The following SMIM7 variants were observed in gnomAD, a reference collection of about 807,000 sequenced individuals.
SMIM7 encodes UPF0608 protein C19orf42.
In SMIM7, 12 loss-of-function variants were observed where a neutral mutation model predicts 13.3. The observed-to-expected ratio is 0.90, with a 90% CI of 0.58 to 1.46. The LOEUF (loss-of-function observed/expected upper bound fraction) is 1.46. Among genes scored for constraint, SMIM7 ranks in the 40% most tolerant of loss-of-function variants. The pLI is 0.00. For synonymous variants in SMIM7, 36 were observed against 35.8 expected, an observed-to-expected ratio of 1.01 and a Z score of -0.02; for missense variants, 114 against 94.8, an observed-to-expected ratio of 1.20 and a Z score of -0.84.
chr19:16,653,075 T>C, intron 4 of SMIM7: 1 of 1,252,392 alleles, frequency 8.0e-7, no homozygotes, highest in Non-Finnish European at 1.1e-6. Flanking sequence ...TTAAACCATA[T>C]TTTCCACCTC....
downstream of SMIM7, chr19:16,645,335 C>G (rs935195252): frequency 2.0e-5 from 3 of 152,206 alleles, no homozygotes; most frequent in South Asian, 2.1e-4. Context: ...CCGCGCCAGT[C>G]TGAATAAGGC....
At chr19:16,654,450 A>C (rs1205851459) in intron 3 of SMIM7, among the ~76,000 whole-genome samples, 1 of 152,162 alleles carries the variant, frequency 6.6e-6, no homozygotes. Context: ...AGGCTTACTG[A>C]GCTGGGAAGA....
At chr19:16,659,871 G>C in intron 2 of SMIM7, 88 bp downstream of exon 2, 1 of 1,514,436 alleles carries the variant, frequency 6.6e-7, no homozygotes, top group South Asian at 1.2e-5. Flanking sequence ...TTGGGGGCGG[G>C]GCCTGAGAAG....
rs757568020 is a variant in SMIM7 at position 16,659,436 on chromosome 19, T to C, written c.80A>G (p.Asp27Gly). 15 of 1,613,294 alleles carry C rather than the reference T, an allele frequency of 9.3e-6. No individual in the cohort carries two copies. Among genetic ancestry groups the C allele is most frequent in the Non-Finnish European group, 1.3e-5 (15 of 1,179,796 alleles). Residue 27 changes from aspartate (D) to glycine (G), a missense_variant, in exon 3 of 5, where the codon GAC becomes GGC. Transcript: ENST00000487416. ...AVLNFKLKKK[D>G]TQGFGEESRE... is the part of the protein sequence containing the mutation. Reference sequence around the variant, plus strand: ...GGACTCCTCCCCAAAGCCCTGCGTGTCCTTCTTTTTCCTACAAAGAGGAGC... The same window carrying C: ...GGACTCCTCCCCAAAGCCCTGCGTGCCCTTCTTTTTCCTACAAAGAGGAGC...
downstream of SMIM7, chr19:16,645,062 C>G (rs1012272740): frequency 3.3e-5 from 5 of 152,148 alleles, no homozygotes; most frequent in Non-Finnish European, 5.9e-5. Context: ...ACTAGGCACC[C>G]AAACTTCAAA....
downstream of SMIM7, among the ~76,000 whole-genome samples, chr19:16,642,003 C>A (rs1464276184): frequency 6.6e-6 from 1 of 152,194 alleles, no homozygotes; most frequent in African/African-American, 2.4e-5. Context: ...TGCAAAAATA[C>A]ATTCTCCTTC....
At chr19:16,638,515 C>T (rs933054985) in intron 4 of SMIM7, among the ~76,000 whole-genome samples, 1 of 151,852 alleles carries the variant, frequency 6.6e-6, no homozygotes, top group Non-Finnish European at 1.5e-5. Flanking sequence ...ACCACATTGG[C>T]CAGGCTGGCC....
intron 3 of SMIM7, among the ~76,000 whole-genome samples, chr19:16,658,992 C>T (rs550215774): frequency 2.2e-4 from 33 of 152,192 alleles, no homozygotes; most frequent in Non-Finnish European, 2.9e-4. Context: ...CTCACACACA[C>T]GCTCAATTAA....
intron 4 of SMIM7, chr19:16,652,947 T>C (rs1599372686): frequency 3.2e-6 from 5 of 1,550,578 alleles, no homozygotes; most frequent in East Asian, 2.4e-5. Context: ...GGCAATCTGC[T>C]TGAGTTTTCT....
At chr19:16,658,606 A>G (rs2086626561) in intron 3 of SMIM7, among the ~76,000 whole-genome samples, 1 of 152,212 alleles carries the variant, frequency 6.6e-6, no homozygotes, top group African/African-American at 2.4e-5. Flanking sequence ...CCAATTTTTC[A>G]AGAAAAATCA....
intron 4 of SMIM7, among the ~76,000 whole-genome samples, chr19:16,639,522 TTC>T (rs1484169637): frequency 1.3e-5 from 2 of 152,160 alleles, no homozygotes; most frequent in African/African-American, 4.8e-5. Flanking sequence ...GCTGAATGGT[TTC>T]TGTTGCAAGG....
chr19:16,630,876 C>T (rs1017441772), exon 5 of SMIM7: 8 of 152,212 alleles, frequency 5.3e-5, no homozygotes, highest in Admixed American at 5.2e-4. Flanking sequence ...AGGGTAGATA[C>T]TGCAGTTCAC....
At chr19:16,643,401 A>T (rs1435449843), downstream of SMIM7, among the ~76,000 whole-genome samples, 2 of 151,066 alleles carry the variant, frequency 1.3e-5, no homozygotes, top group South Asian at 2.1e-4. Context: ...TTAGTAGTTT[A>T]AAAAAAATTT....
rs180947846 is a variant in SMIM7 at position 16,654,433 on chromosome 19, T to C, written c.122-308A>G. ...CCCCAACTACTGGGAAAGAGATACC[T>C]TCTGCCAGGCTTACTGAGCTGGGAA... On this transcript the variant is annotated intron_variant, in intron 3 of 4. Transcript: ENST00000487416. Among the ~76,000 whole-genome samples, 4 of 152,302 alleles carry C rather than the reference T, an allele frequency of 2.6e-5. 1 individual carries two copies. In the East Asian group the frequency reaches 7.7e-4, roughly 29 times the overall value.
intron 4 of SMIM7, chr19:16,653,017 A>C: frequency 3.2e-6 from 5 of 1,538,864 alleles, no homozygotes; most frequent in Non-Finnish European, 4.4e-6. Context: ...ATACATTTCT[A>C]CTGGCTTCCA....
chr19:16,645,480 G>A (rs2086439979), downstream of SMIM7: 1 of 152,142 alleles, frequency 6.6e-6, no homozygotes, highest in African/African-American at 2.4e-5. Flanking sequence ...TACAGACCTT[G>A]GGGTGATGCT....
chr19:16,653,180 G>C (rs2086551035), intron 4 of SMIM7, among the ~76,000 whole-genome samples: 1 of 152,176 alleles, frequency 6.6e-6, no homozygotes, highest in African/African-American at 2.4e-5. Flanking sequence ...GCATAGCCGG[G>C]GGCTGGAGAA....
At chr19:16,658,362 A>G (rs1033274829) in intron 3 of SMIM7, among the ~76,000 whole-genome samples, 6 of 152,242 alleles carry the variant, frequency 3.9e-5, no homozygotes, top group African/African-American at 1.2e-4. Context: ...GAAAGAATTA[A>G]TGAATGGATA....
intron 4 of SMIM7, among the ~76,000 whole-genome samples, chr19:16,639,145 G>A (rs1214435113): frequency 3.5e-5 from 5 of 141,972 alleles, no homozygotes; most frequent in South Asian, 2.2e-4. Flanking sequence ...TTTTTGAGAC[G>A]GAGTCTTGCT....
Sources: gnomAD v4.1 joint callset for allele counts (sites outside exome capture counted in the v4.1 genomes callset) on GRCh38, gnomAD v4.1.1 for gene constraint, MANE v1.5 for transcripts, NCBI Gene and HGNC (gene_info 2026-07-23, HGNC 2026-07-21) for gene names.